The following TAF8 variants were observed in gnomAD, a reference collection of about 807,000 sequenced individuals.
TAF8 encodes transcription initiation factor TFIID subunit 8.
TAF8 carries 47 observed loss-of-function variants against 36.5 expected under a neutral mutation model. The ratio of observed to expected loss-of-function variants is 1.29; its 90% CI spans 1.02 to 1.64. The LOEUF (loss-of-function observed/expected upper bound fraction) is 1.64. TAF8 is among the 40% of genes most tolerant of loss of function. TAF8 has a pLI of 0.00. For synonymous variants in TAF8, 175 were observed against 159.5 expected (o/e 1.10, Z -0.73); for missense variants, 420 against 407.6 (o/e 1.03, Z -0.26).
intron 7 of TAF8, 58 bp downstream of exon 7, chr6:42,068,665 C>T (rs985542520): frequency 6.3e-7 from 1 of 1,592,104 alleles, no homozygotes; most frequent in Non-Finnish European, 8.5e-7. Flanking sequence ...ACACTGCCCT[C>T]AGTCTGTCAC....
intron 7 of TAF8, among the ~76,000 whole-genome samples, chr6:42,070,432 G>A (rs1001665648): frequency 2.0e-5 from 3 of 152,162 alleles, no homozygotes; most frequent in African/African-American, 7.2e-5. Context: ...ATGGAGCTTG[G>A]CGTGAGCCAA....
chr6:42,087,385 A>G (rs1443479177), downstream of TAF8: 5 of 134,260 alleles, frequency 3.7e-5, no homozygotes, highest in Non-Finnish European at 5.2e-5. Flanking sequence ...TAATTTAAGT[A>G]CTTTATATTA....
intron 3 of TAF8, 125 bp from the exon 4 acceptor site, chr6:42,055,827 C>A: frequency 1.3e-6 from 1 of 785,084 alleles, no homozygotes; most frequent in Non-Finnish European, 2.2e-6. Context: ...TCTGCCAGAG[C>A]TTCTTTTGCG....
intron 2 of TAF8, among the ~76,000 whole-genome samples, chr6:42,054,915 GTTTTCTTTTTC>G (rs1351722915): frequency 1.4e-5 from 2 of 145,746 alleles, no homozygotes; most frequent in African/African-American, 5.1e-5. Context: ...TTAGCATAAT[GTTTTCTTTTTC>G]TTTTCTTTTT....
intron 7 of TAF8, 120 bp downstream of exon 7, chr6:42,068,727 G>T: frequency 8.4e-7 from 1 of 1,195,372 alleles, no homozygotes; most frequent in Admixed American, 1.9e-5. Context: ...TCTGTTAGGG[G>T]CCTGCATAAG....
chr6:42,062,466 A>C (rs1480389206), intron 5 of TAF8, among the ~76,000 whole-genome samples: 1 of 151,666 alleles, frequency 6.6e-6, no homozygotes, highest in East Asian at 1.9e-4. Flanking sequence ...ACCCTTTACA[A>C]ACCTTTTTTA....
In TAF8 at chr6:42,050,545, G is replaced by A; in HGVS notation, c.4G>A (p.Ala2Thr). 1.3e-6 allele frequency: 2 copies of A among 1,554,888 alleles called. No homozygotes were observed. Among genetic ancestry groups the A allele is most frequent in the East Asian group, 2.4e-5 (1 of 41,586 alleles). The change falls in exon 1 of 9, where the codon GCC (alanine) becomes ACC (threonine). Residue 2 changes from alanine to threonine, a missense_variant. Transcript: ENST00000372977. M[A>T]DAAATAGAGG... The stretch of plus-strand genomic sequence containing the variant: ...GCGCACACTACGCCAGAACAAGATG[G>A]CCGACGCGGCGGCCACAGCTGGGGC...
At position 42,078,646 on chromosome 6, in the gene TAF8, T is replaced by G; in HGVS notation, c.*1101T>G. On this transcript the variant is annotated 3_prime_UTR_variant, in exon 9 of 9. Coordinates refer to ENST00000372977, the MANE Select transcript of TAF8 (RefSeq NM_138572.3). ...CCTCCCGTCGGCATTTGACGAAAGCTCCCTGAAGCGGGGCAGCACTCTCCT... is the reference window on the plus strand; with the variant it reads ...CCTCCCGTCGGCATTTGACGAAAGCGCCCTGAAGCGGGGCAGCACTCTCCT... 1.0e-6 allele frequency: 1 copy of G among 985,394 alleles called. No individual in the cohort carries two copies. The highest frequency in any genetic ancestry group is 1.2e-6 in the Non-Finnish European group (1 of 829,946). The allele number at this position is 985,394 out of a possible 1,614,324, so 61.0% of individuals were successfully genotyped here.
intron 2 of TAF8, among the ~76,000 whole-genome samples, chr6:42,053,904 G>C (rs1764887100): frequency 6.6e-6 from 1 of 152,190 alleles, no homozygotes; most frequent in Non-Finnish European, 1.5e-5. Flanking sequence ...GTCATGTCTA[G>C]AGGCTGGTAT....
intron 1 of TAF8, 81 bp downstream of exon 1, chr6:42,050,667 T>C: frequency 6.9e-7 from 1 of 1,439,152 alleles, no homozygotes. Flanking sequence ...AACAAGATAA[T>C]GCCCAGAAAT....
downstream of TAF8, chr6:42,086,697 T>G (rs974319221): frequency 1.5e-5 from 24 of 1,551,200 alleles, no homozygotes; most frequent in Non-Finnish European, 1.8e-5. Flanking sequence ...CAAAGCGGTT[T>G]TTTTCACCCT....
intron 3 of TAF8, 132 bp downstream of exon 3, chr6:42,055,761 C>A: frequency 1.2e-6 from 1 of 804,156 alleles, no homozygotes; most frequent in Non-Finnish European, 2.1e-6. Context: ...AGAGAGTTAT[C>A]AAGAGAGATT....
chr6:42,065,841 A>T (rs963793294), intron 5 of TAF8, among the ~76,000 whole-genome samples: 16 of 152,134 alleles, frequency 1.1e-4, no homozygotes, highest in Admixed American at 1.0e-3. Flanking sequence ...CCACCTTTCT[A>T]CTGTGCTTTG....
Position 42,078,780 on chromosome 6 carries a change from C to T in TAF8, c.*1235C>T, listed in dbSNP as rs529231563. 183 of 985,416 alleles carry T rather than the reference C, an allele frequency of 1.9e-4. 2 individuals are homozygous for T. In the African/African-American group the frequency reaches 3.0e-3, roughly 16 times the overall value. 61.0% of individuals were successfully genotyped at this position (985,416 alleles called of 1,614,324 possible). On this transcript the variant is annotated 3_prime_UTR_variant, in exon 9 of 9. Transcript: ENST00000372977. ...TTTCTCTGACAAGAGCCTAGAGCGTCGGCTCTATTATGCTGGGACTTGACA... is the reference window on the plus strand; with the variant it reads ...TTTCTCTGACAAGAGCCTAGAGCGTTGGCTCTATTATGCTGGGACTTGACA...
intron 5 of TAF8, among the ~76,000 whole-genome samples, chr6:42,059,169 G>A (rs973382142): frequency 6.6e-6 from 1 of 151,918 alleles, no homozygotes; most frequent in South Asian, 2.1e-4. Flanking sequence ...GGATCATGAG[G>A]TCAGGAGATC....
chr6:42,067,987 G>GT (rs1303806769), intron 6 of TAF8, among the ~76,000 whole-genome samples: 2 of 152,210 alleles, frequency 1.3e-5, no homozygotes, highest in Non-Finnish European at 2.9e-5. Flanking sequence ...TATATGCAGA[G>GT]TGCTCAAATC....
intron 5 of TAF8, among the ~76,000 whole-genome samples, chr6:42,061,389 C>G (rs565597862): frequency 2.6e-4 from 39 of 152,276 alleles, no homozygotes; most frequent in Middle Eastern, 3.4e-3. Context: ...AGTTTTTCCT[C>G]TATTCTAATG....
At chr6:42,061,056 C>T (rs1428695166) in intron 5 of TAF8, among the ~76,000 whole-genome samples, 1 of 152,102 alleles carries the variant, frequency 6.6e-6, no homozygotes, top group Non-Finnish European at 1.5e-5. Flanking sequence ...TCCTCTATTC[C>T]AATAGCACAG....
In TAF8 at chr6:42,055,972, C is replaced by T; in HGVS notation, c.322C>T (p.Pro108Ser). Residue 108 changes from proline to serine, a missense_variant, in exon 4 of 9, where the codon CCT becomes TCT. By Grantham distance (74) the Pro-to-Ser change is moderately conservative. Transcript: ENST00000372977. ...CTTAGGTTTCAATGTGGACACTCTC[C>T]CTGCTTATGCAAAACGGTCTCAGAG... ...VEMGFNVDTL[P>S]AYAKRSQRMV... The T allele has an allele frequency of 1.2e-6, 2 of 1,613,258 alleles. No individual in the cohort carries two copies. The highest frequency in any genetic ancestry group is 2.2e-5 in the South Asian group (2 of 91,054).
Sources: allele counts gnomAD v4.1 joint callset (sites outside exome capture counted in the v4.1 genomes callset), GRCh38; gene constraint gnomAD v4.1.1; transcripts MANE v1.5; gene names NCBI Gene and HGNC (gene_info 2026-07-23, HGNC 2026-07-21).